The following PGAM5 variants were observed in gnomAD, a reference collection of about 807,000 sequenced individuals.
PGAM5 encodes PGAM family member 5, mitochondrial serine/threonine protein phosphatase, also known as serine/threonine-protein phosphatase PGAM5, mitochondrial.
PGAM5 carries 25 observed loss-of-function variants against 30.6 expected under a neutral mutation model. The observed-to-expected ratio is 0.82, with a 90% confidence interval of 0.60 to 1.14. PGAM5 has a LOEUF of 1.14. Among genes scored for constraint, PGAM5 ranks in the 50% most tolerant of loss-of-function variants. The pLI is 0.00. For synonymous variants in PGAM5, 201 were observed against 179.1 expected (o/e 1.12, Z -0.98); for missense variants, 384 against 408.5 (o/e 0.94, Z 0.52).
chr12:132,712,571 C>T (rs1461000525), intron 1 of PGAM5, among the ~76,000 whole-genome samples: 2 of 152,172 alleles, frequency 1.3e-5, no homozygotes, highest in African/African-American at 4.8e-5. Flanking sequence ...ATTCTCCTGC[C>T]TCAGCCTCCC....
Position 132,720,933 on chromosome 12 carries a change from T to C in PGAM5, c.*105T>C. ...GAAAGTAGAAACCTGCAATGCTGCA[T>C]CTGGGAACTGACTTGTGACCAGGCT... On this transcript the variant is annotated 3_prime_UTR_variant, in exon 6 of 6. Transcript: ENST00000498926. The C allele has an allele frequency of 7.4e-7, 1 of 1,343,496 alleles. No homozygotes were observed. The highest frequency in any genetic ancestry group is 9.9e-7 in the Non-Finnish European group (1 of 1,007,432). 83.2% of individuals were successfully genotyped at this position (1,343,496 alleles called of 1,614,324 possible).
chr12:132,711,476 T>A (rs1261995332), intron 1 of PGAM5: 1 of 153,894 alleles, frequency 6.5e-6, no homozygotes, highest in African/African-American at 2.4e-5. Flanking sequence ...GAATGCTTAG[T>A]TTACGTCAAT....
chr12:132,719,749 C>T (rs1000823642), intron 5 of PGAM5, among the ~76,000 whole-genome samples: 2 of 152,228 alleles, frequency 1.3e-5, no homozygotes, highest in African/African-American at 2.4e-5. Context: ...CCAGGCAGCC[C>T]TGAGGAGGCT....
At chr12:132,714,675 C>A in intron 1 of PGAM5, 183 bp from the exon 2 acceptor site, 1 of 633,890 alleles carries the variant, frequency 1.6e-6, no homozygotes, top group Non-Finnish European at 2.7e-6. Context: ...AGACCTGGCA[C>A]TAGCTTTGTG....
intron 2 of PGAM5, among the ~76,000 whole-genome samples, chr12:132,717,022 C>T (rs1256117230): frequency 6.6e-6 from 1 of 152,218 alleles, no homozygotes; most frequent in Non-Finnish European, 1.5e-5. Context: ...CTGTGTTGGC[C>T]TCCGCCATGG....
chr12:132,720,339 GCT>G (rs10578091), intron 5 of PGAM5, among the ~76,000 whole-genome samples: 18,105 of 146,372 alleles, frequency 0.12, 1,769 homozygotes, highest in East Asian at 0.52. Flanking sequence ...ACAGAATCTC[GCT>G]CTGTCACCCA....
Position 132,717,722 on chromosome 12 carries a change from T to C in PGAM5, c.509T>C (p.Val170Ala). The change falls in exon 4 of 6, where the codon GTC (valine) becomes GCC (alanine). Residue 170 changes from valine to alanine, a missense_variant. Physicochemically the swap from Val to Ala is moderately conservative, Grantham distance 64 (BLOSUM62 0). Coordinates refer to ENST00000498926, the MANE Select transcript of PGAM5 (RefSeq NM_001170543.2). ...TGCTTCTCTGCAGGCGTCTGCAAAG[T>C]CAGCACAGATCTGCTGCGGGAAGGC... is the stretch of plus-strand genomic sequence containing the variant. ...ISRHLPGVCK[V>A]STDLLREGAP... The C allele has an allele frequency of 1.9e-6, 3 of 1,576,278 alleles. No homozygotes were observed. Among genetic ancestry groups the C allele is most frequent in the South Asian group, 1.1e-5 (1 of 87,272 alleles).
rs1044263631 is a variant in PGAM5, at chr12:132,721,571, G to C, written c.*743G>C. 6.6e-6 allele frequency: 1 copy of C among 152,230 alleles called. No individual in the cohort carries two copies. Among genetic ancestry groups the C allele is most frequent in the Admixed American group, 6.5e-5 (1 of 15,280 alleles). The allele number at this position is 152,230 out of a possible 1,614,324, so 9.4% of individuals were successfully genotyped here. A position where few individuals can be genotyped will look rare whatever the true frequency, so the allele number is the denominator to read the frequency against. Reference sequence around the variant, plus strand: ...ATTGTGTCACTGCACTCCAGCCTGGGCAAGCGAGGGAGACTTAAAGCAATT... The same window carrying C: ...ATTGTGTCACTGCACTCCAGCCTGGCCAAGCGAGGGAGACTTAAAGCAATT... On this transcript the variant is annotated 3_prime_UTR_variant, in exon 6 of 6. Coordinates refer to ENST00000498926, the MANE Select transcript of PGAM5 (RefSeq NM_001170543.2).
intron 5 of PGAM5, among the ~76,000 whole-genome samples, chr12:132,720,298 G>T (rs1202493366): frequency 6.7e-6 from 1 of 149,462 alleles, no homozygotes; most frequent in African/African-American, 2.5e-5. Context: ...GAGTCCCCTG[G>T]CTCTAGCCCA....
At chr12:132,717,907 G>T in intron 4 of PGAM5, 80 bp from the exon 5 acceptor site, 2 of 1,599,498 alleles carry the variant, frequency 1.3e-6, no homozygotes, top group Non-Finnish European at 1.7e-6. Context: ...GGGCTTCCCC[G>T]GGCGGCGATG....
intron 1 of PGAM5, 133 bp downstream of exon 1, chr12:132,711,200 C>A: frequency 1.4e-6 from 1 of 698,242 alleles, no homozygotes; most frequent in Non-Finnish European, 1.9e-6. Context: ...CTTTCCCCAG[C>A]GGAGGAGCCG....
chr12:132,714,596 C>T (rs2043553753), intron 1 of PGAM5, among the ~76,000 whole-genome samples: 1 of 152,188 alleles, frequency 6.6e-6, no homozygotes, highest in Non-Finnish European at 1.5e-5. Flanking sequence ...CACTGTCTGC[C>T]TCTCATTAGA....
At chr12:132,716,147 G>A (rs1366250948) in intron 2 of PGAM5, among the ~76,000 whole-genome samples, 3 of 152,016 alleles carry the variant, frequency 2.0e-5, no homozygotes, top group East Asian at 3.9e-4. Context: ...GTGCAGTGAC[G>A]TGATCTTGGC....
Position 132,717,444 on chromosome 12 carries a change from G to T in PGAM5, c.376G>T (p.Glu126Ter). The change falls in exon 3 of 6, where the codon GAG becomes TAG. Residue 126 changes from glutamate to a stop codon, truncating the protein, a stop_gained. Transcript: ENST00000498926. LOFTEE classifies it high-confidence loss of function. Reference protein sequence around the residue: ...KDRTLTPLGREQAELTGLRLA... With the variant: ...KDRTLTPLGR ...AGGTGCCTTTCACCTTCCAGGTCGG[G>T]AGCAGGCTGAACTCACTGGGCTCCG... is the stretch of plus-strand genomic sequence containing the variant. 1 of 1,607,204 alleles carries T rather than the reference G, an allele frequency of 6.2e-7. No homozygotes were observed. Among genetic ancestry groups the T allele is most frequent in the Non-Finnish European group, 8.5e-7 (1 of 1,179,874 alleles).
intron 5 of PGAM5, chr12:132,718,762 C>T: frequency 6.2e-7 from 1 of 1,613,458 alleles, no homozygotes; most frequent in Non-Finnish European, 8.5e-7. Flanking sequence ...CCACTGGCAG[C>T]ATCCCGCCGC....
chr12:132,719,116 G>A (rs1015093272), intron 5 of PGAM5: 2 of 1,357,834 alleles, frequency 1.5e-6, no homozygotes, highest in African/African-American at 2.9e-5. Context: ...TTACATGCCT[G>A]AAACAGTCAG....
chr12:132,720,932 A>G lies in PGAM5; in HGVS notation c.*104A>G. 1.5e-6 allele frequency: 2 copies of G among 1,345,992 alleles called. No homozygotes were observed. The highest frequency in any genetic ancestry group is 2.0e-6 in the Non-Finnish European group (2 of 1,009,562). 83.4% of individuals were successfully genotyped at this position (1,345,992 alleles called of 1,614,324 possible). ...GGAAAGTAGAAACCTGCAATGCTGC[A>G]TCTGGGAACTGACTTGTGACCAGGC... On this transcript the variant is annotated 3_prime_UTR_variant, in exon 6 of 6. Transcript: ENST00000498926.
At chr12:132,720,514 A>AG (rs2043633100) in intron 5 of PGAM5, among the ~76,000 whole-genome samples, 164 bp from the exon 6 acceptor site, 1 of 151,908 alleles carries the variant, frequency 6.6e-6, no homozygotes, top group Non-Finnish European at 1.5e-5. Flanking sequence ...TCACCGTGTT[A>AG]GCTGGGATGG....
intron 1 of PGAM5, among the ~76,000 whole-genome samples, chr12:132,712,071 G>T (rs1014304093): frequency 1.1e-4 from 16 of 152,106 alleles, no homozygotes; most frequent in African/African-American, 3.6e-4. Flanking sequence ...CTTTATATTA[G>T]ATTTTTATCT....
Sources: allele counts gnomAD v4.1 joint callset (sites outside exome capture counted in the v4.1 genomes callset), GRCh38; gene constraint gnomAD v4.1.1; transcripts MANE v1.5; gene names NCBI Gene and HGNC (gene_info 2026-07-23, HGNC 2026-07-21).